The following NELL1 variants were observed in gnomAD, a reference collection of about 807,000 sequenced individuals.
The protein encoded by NELL1 is neural EGFL like 1.
Under a neutral mutation model 107.4 loss-of-function variants are expected in NELL1, and 76 were observed. The ratio of observed to expected loss-of-function variants is 0.71; its 90% CI spans 0.59 to 0.86. NELL1 has a LOEUF of 0.86. Among genes scored for constraint, NELL1 ranks in the 40% least tolerant of loss-of-function variants. The pLI, the probability that NELL1 is intolerant of heterozygous loss-of-function variation, is 0.00. For synonymous variants in NELL1, 353 were observed against 341.2 expected (o/e 1.03, Z -0.38); for missense variants, 1,024 against 1,005.5 (o/e 1.02, Z -0.25).
At chr11:21,404,027 C>T (rs1446819008) in intron 15 of NELL1, among the ~76,000 whole-genome samples, 3 of 92,056 alleles carry the variant, frequency 3.3e-5, no homozygotes, top group African/African-American at 1.2e-4. Context: ...GCAATCAAAA[C>T]CACTGGATAT....
intron 14 of NELL1, among the ~76,000 whole-genome samples, chr11:21,309,048 T>C (rs1849669547): frequency 6.6e-6 from 1 of 151,640 alleles, no homozygotes; most frequent in Non-Finnish European, 1.5e-5. Context: ...ATTTTAGACA[T>C]TTAGCATATG....
At chr11:21,361,410 C>G (rs1317766855) in intron 14 of NELL1, among the ~76,000 whole-genome samples, 1 of 151,862 alleles carries the variant, frequency 6.6e-6, no homozygotes, top group Non-Finnish European at 1.5e-5. Context: ...TCTCACACCT[C>G]TTAAGATTCT....
At chr11:21,428,817 G>T (rs1335334604) in intron 15 of NELL1, among the ~76,000 whole-genome samples, 1 of 152,142 alleles carries the variant, frequency 6.6e-6, no homozygotes, top group African/African-American at 2.4e-5. Flanking sequence ...CACATGTATT[G>T]TTAGGTGACC....
intron 13 of NELL1, among the ~76,000 whole-genome samples, chr11:21,163,170 T>A (rs562639508): frequency 6.6e-6 from 1 of 152,174 alleles, no homozygotes; most frequent in Admixed American, 6.5e-5. Context: ...TCAAGTAAAT[T>A]GGTGTCAGAG....
chr11:20,727,768 T>G (rs1378489110), intron 2 of NELL1, among the ~76,000 whole-genome samples: 2 of 152,220 alleles, frequency 1.3e-5, no homozygotes, highest in African/African-American at 4.8e-5. Flanking sequence ...TGAATTAATT[T>G]TTGTATAAGG....
At chr11:20,952,545 G>A (rs1483513711) in intron 11 of NELL1, among the ~76,000 whole-genome samples, 1 of 152,198 alleles carries the variant, frequency 6.6e-6, no homozygotes, top group African/African-American at 2.4e-5. Flanking sequence ...CTTAATGAGA[G>A]TGTAAACTAG....
At chr11:21,090,862 T>C (rs1397350105) in intron 12 of NELL1, among the ~76,000 whole-genome samples, 4 of 152,210 alleles carry the variant, frequency 2.6e-5, no homozygotes, top group Non-Finnish European at 5.9e-5. Flanking sequence ...AATCTCTTTA[T>C]GGATATCATA....
intron 15 of NELL1, among the ~76,000 whole-genome samples, chr11:21,444,185 C>T (rs1853361088): frequency 6.6e-6 from 1 of 152,050 alleles, no homozygotes. Flanking sequence ...ATATTTTAGA[C>T]AATAGACCTA....
chr11:20,778,187 C>T (rs929311785), intron 2 of NELL1, among the ~76,000 whole-genome samples: 1 of 152,294 alleles, frequency 6.6e-6, no homozygotes, highest in Non-Finnish European at 1.5e-5. Context: ...TATCCCCAAT[C>T]TCTATGGGCC....
At chr11:20,904,686 A>C (rs988844934) in intron 5 of NELL1, among the ~76,000 whole-genome samples, 4 of 152,122 alleles carry the variant, frequency 2.6e-5, no homozygotes. Context: ...GGATCAGTGT[A>C]AGCCTGGCTA....
rs13340810 is a variant in NELL1 at position 21,091,143 on chromosome 11, T to C, written c.1301-22446T>C. On this transcript the variant is annotated intron_variant, in intron 12 of 19. Transcript: ENST00000357134. ...ATCAGGAGGTCCATTTCTGGCTCAG[T>C]ATCTCCTCAATGATAAATATCCCCT... 9.0e-3 allele frequency among the ~76,000 whole-genome samples: 1,365 copies of C among 152,358 alleles called. 17 individuals carry two copies. Among genetic ancestry groups the C allele is most frequent in the African/African-American group, 0.031 (1,307 of 41,582 alleles).
At chr11:21,202,015 C>T (rs1472620692) in intron 13 of NELL1, among the ~76,000 whole-genome samples, 12 of 152,162 alleles carry the variant, frequency 7.9e-5, no homozygotes, top group African/African-American at 1.9e-4. Flanking sequence ...GATGTGCTGC[C>T]GGATTCGGTT....
chr11:21,107,597 G>T (rs1313466711), intron 12 of NELL1, among the ~76,000 whole-genome samples: 3 of 152,118 alleles, frequency 2.0e-5, no homozygotes, highest in Non-Finnish European at 4.4e-5. Context: ...GAAATAGTGT[G>T]GGGGCTCGGG....
intron 5 of NELL1, among the ~76,000 whole-genome samples, chr11:20,915,717 A>ATATATATATATATATATATATATATT: frequency 5.2e-4 from 30 of 58,216 alleles, no homozygotes; most frequent in South Asian, 1.2e-3. Context: ...ATATATATAT[A>ATATATATATATATATATATATATATT]TTTTTTTTTT....
intron 13 of NELL1, among the ~76,000 whole-genome samples, chr11:21,203,841 A>G (rs1333732285): frequency 1.3e-5 from 2 of 152,074 alleles, no homozygotes; most frequent in Non-Finnish European, 2.9e-5. Context: ...CCTGTCTGTA[A>G]AGTATTTTAT....
intron 2 of NELL1, among the ~76,000 whole-genome samples, chr11:20,737,109 G>A (rs67273947): frequency 0.14 from 21,582 of 151,730 alleles, 1,793 homozygotes; most frequent in South Asian, 0.27. Context: ...TCTTCCCTAC[G>A]TTATTTATTT....
chr11:21,573,270 G>T lies in NELL1; in HGVS notation c.2243G>T (p.Arg748Leu), dbSNP rs137896061. Reference sequence around the variant, plus strand: ...ATCTTAGAAGGGGAATGTTGTCCCCGCTGTGTCAGTGACCCCTGCCTAGCT... The same window carrying T: ...ATCTTAGAAGGGGAATGTTGTCCCCTCTGTGTCAGTGACCCCTGCCTAGCT... ...TAILEGECCPRCVSDPCLADN... is the reference protein window; with the variant it reads ...TAILEGECCPLCVSDPCLADN... The change falls in exon 19 of 20, where the codon CGC becomes CTC. Residue 748 changes from arginine to leucine, a missense_variant. Coordinates refer to ENST00000357134, the MANE Select transcript of NELL1 (RefSeq NM_006157.5). The T allele has an allele frequency of 6.2e-7, 1 of 1,612,436 alleles. No homozygotes were observed. Among genetic ancestry groups the T allele is most frequent in the East Asian group, 2.2e-5 (1 of 44,732 alleles).
At chr11:21,272,780 C>T (rs189088773) in intron 14 of NELL1, among the ~76,000 whole-genome samples, 1 of 152,330 alleles carries the variant, frequency 6.6e-6, no homozygotes, top group East Asian at 1.9e-4. Flanking sequence ...ACTGCTGATA[C>T]TCAGGCAAAG....
At position 21,461,799 on chromosome 11, in the gene NELL1, A is replaced by G. The variant is rs554759754; in HGVS notation, c.1646-72575A>G. ...TCCACAGCCAGTTTCTGTAGTCACA[A>G]TGCTAACTATTCTAGGGTTTAATCA... is the stretch of plus-strand genomic sequence containing the variant. On this transcript the variant is annotated intron_variant, in intron 15 of 19. Coordinates refer to ENST00000357134, the MANE Select transcript of NELL1 (RefSeq NM_006157.5). Among the ~76,000 whole-genome samples the G allele has an allele frequency of 1.2e-3, 179 of 152,240 alleles. 1 individual carries two copies. The highest frequency in any genetic ancestry group is 4.1e-3 in the African/African-American group (171 of 41,572).
Sources: gnomAD v4.1 joint callset for allele counts (sites outside exome capture counted in the v4.1 genomes callset) on GRCh38, gnomAD v4.1.1 for gene constraint, MANE v1.5 for transcripts, NCBI Gene and HGNC (gene_info 2026-07-23, HGNC 2026-07-21) for gene names.